Variants in RALGPS1 observed in about 807,000 individuals in gnomAD.
RALGPS1 encodes ras-specific guanine nucleotide-releasing factor RalGPS1.
In RALGPS1, 19 loss-of-function variants were observed where a neutral mutation model predicts 78.8. That is an observed-to-expected ratio of 0.24 (90% CI 0.17 to 0.35). The LOEUF (loss-of-function observed/expected upper bound fraction) is 0.35. Among genes scored for constraint, RALGPS1 ranks in the 10% least tolerant of loss-of-function variants. The pLI, the probability that RALGPS1 is intolerant of heterozygous loss-of-function variation, is 1.00. For missense variants in RALGPS1, 454 were observed against 688.3 expected (o/e 0.66, Z 3.81); for synonymous variants, 228 against 256.3 (o/e 0.89, Z 1.06).
In RALGPS1 at chr9:127,163,574, C is replaced by T. The variant is rs370279392; in HGVS notation, c.611-2495C>T. Among the ~76,000 whole-genome samples, 20 of 152,284 alleles carry T rather than the reference C, an allele frequency of 1.3e-4. No individual in the cohort carries two copies. The East Asian group carries it at 3.5e-3, about 26-fold the overall frequency. ...AATGTGCATCTATTTTAAAAGCAGACGAATGACTCATGGTATCTAGCACCA... is the reference window on the plus strand; with the variant it reads ...AATGTGCATCTATTTTAAAAGCAGATGAATGACTCATGGTATCTAGCACCA... On this transcript the variant is annotated intron_variant, in intron 8 of 18. Coordinates refer to ENST00000259351, the MANE Select transcript of RALGPS1 (RefSeq NM_014636.3).
intron 4 of RALGPS1, among the ~76,000 whole-genome samples, chr9:127,012,942 G>A (rs1200859157): frequency 6.6e-6 from 1 of 152,118 alleles, no homozygotes; most frequent in African/African-American, 2.4e-5. Context: ...AATGGGAAAG[G>A]TAAGAGATTT....
chr9:126,952,698 T>A lies in RALGPS1; in HGVS notation c.-65-9527T>A, dbSNP rs141773818. Among the ~76,000 whole-genome samples the A allele has an allele frequency of 2.6e-5, 4 of 152,076 alleles. No homozygotes were observed. In the East Asian group the frequency reaches 7.7e-4, roughly 29 times the overall value. On this transcript the variant is annotated intron_variant, in intron 1 of 18. Coordinates refer to ENST00000259351, the MANE Select transcript of RALGPS1 (RefSeq NM_014636.3). ...GTGTGTGTCTGTGTGTCTGTGTGTCTGTGCGCATGTGCATGCGTGCATGTG... is the reference window on the plus strand; with the variant it reads ...GTGTGTGTCTGTGTGTCTGTGTGTCAGTGCGCATGTGCATGCGTGCATGTG...
At chr9:127,179,938 T>G (rs2060113392) in intron 11 of RALGPS1, among the ~76,000 whole-genome samples, 1 of 152,206 alleles carries the variant, frequency 6.6e-6, no homozygotes, top group Admixed American at 6.5e-5. Context: ...GGATGGTCCC[T>G]GTTGCCCACA....
At chr9:126,979,504 C>G (rs1456869588) in intron 4 of RALGPS1, among the ~76,000 whole-genome samples, 1 of 152,180 alleles carries the variant, frequency 6.6e-6, no homozygotes, top group East Asian at 1.9e-4. Context: ...CTGCTTAGCT[C>G]TGATCTGGAG....
intron 4 of RALGPS1, among the ~76,000 whole-genome samples, chr9:126,984,900 G>A (rs903228979): frequency 6.6e-6 from 1 of 152,202 alleles, no homozygotes; most frequent in Non-Finnish European, 1.5e-5. Context: ...GTATTACTGG[G>A]TTGCCATTGC....
intron 11 of RALGPS1, among the ~76,000 whole-genome samples, chr9:127,180,389 C>T (rs2060139654): frequency 6.6e-6 from 1 of 152,182 alleles, no homozygotes; most frequent in South Asian, 2.1e-4. Flanking sequence ...CTGCGTGTCT[C>T]CCTGTTGTAT....
chr9:127,169,957 A>G (rs972407721), intron 10 of RALGPS1, among the ~76,000 whole-genome samples: 4 of 152,214 alleles, frequency 2.6e-5, no homozygotes, highest in Middle Eastern at 3.2e-3. Flanking sequence ...TGATGGGTTT[A>G]TTGGGATGTA....
intron 8 of RALGPS1, chr9:127,108,345 G>A (rs746038712): frequency 6.2e-7 from 1 of 1,612,510 alleles, no homozygotes; most frequent in Non-Finnish European, 8.5e-7. Context: ...GCGAGTTCAT[G>A]TTGCGGCTCT....
chr9:127,084,911 G>A (rs2051549259), intron 8 of RALGPS1, among the ~76,000 whole-genome samples: 1 of 152,228 alleles, frequency 6.6e-6, no homozygotes, highest in Admixed American at 6.5e-5. Context: ...ATCTAGTCAT[G>A]TGGGTTTCTC....
chr9:127,098,478 G>A (rs2053392176), intron 8 of RALGPS1, among the ~76,000 whole-genome samples: 1 of 152,200 alleles, frequency 6.6e-6, no homozygotes, highest in South Asian at 2.1e-4. Flanking sequence ...ATGCAGCCCC[G>A]TGGCTGAGCC....
chr9:127,094,493 C>T (rs1410756137), intron 8 of RALGPS1, among the ~76,000 whole-genome samples: 2 of 152,230 alleles, frequency 1.3e-5, no homozygotes, highest in Non-Finnish European at 2.9e-5. Flanking sequence ...GACAGTGCTT[C>T]GTGATGACTG....
chr9:127,119,927 C>T (rs768995210), intron 8 of RALGPS1, among the ~76,000 whole-genome samples: 45 of 152,192 alleles, frequency 3.0e-4, no homozygotes, highest in Non-Finnish European at 5.0e-4. Flanking sequence ...CTTCAGTAGC[C>T]CCAGAGGCCT....
At chr9:126,934,276 T>C (rs1055637938) in intron 1 of RALGPS1, among the ~76,000 whole-genome samples, 54 of 152,346 alleles carry the variant, frequency 3.5e-4, no homozygotes, top group Admixed American at 7.2e-4. Flanking sequence ...GGAACATCAA[T>C]GTAAATTGAA....
intron 17 of RALGPS1, 127 bp downstream of exon 17, chr9:127,213,176 G>T (rs554464027): frequency 6.0e-5 from 89 of 1,478,556 alleles, no homozygotes; most frequent in Middle Eastern, 3.8e-4. Flanking sequence ...AGATTCTGAC[G>T]TTCATGGGGT....
At chr9:127,131,066 C>A (rs1417168287) in intron 8 of RALGPS1, among the ~76,000 whole-genome samples, 1 of 152,192 alleles carries the variant, frequency 6.6e-6, no homozygotes, top group Admixed American at 6.5e-5. Context: ...ACACTATTGG[C>A]CGCTCCTTGG....
chr9:127,041,059 G>GTGTGTGTA (rs1331654917), intron 5 of RALGPS1, among the ~76,000 whole-genome samples: 30 of 151,558 alleles, frequency 2.0e-4, no homozygotes, highest in Non-Finnish European at 3.2e-4. Context: ...GTGTGTGTGT[G>GTGTGTGTA]TGTGTGTATG....
chr9:127,073,688 T>TATAGCA (rs2050418552), intron 8 of RALGPS1, among the ~76,000 whole-genome samples: 1 of 152,170 alleles, frequency 6.6e-6, no homozygotes, highest in Non-Finnish European at 1.5e-5. Flanking sequence ...TTTTCTGCAG[T>TATAGCA]GGCTGTACTA....
chr9:126,933,063 A>C (rs919526890), intron 1 of RALGPS1, among the ~76,000 whole-genome samples: 2 of 152,126 alleles, frequency 1.3e-5, no homozygotes, highest in African/African-American at 4.8e-5. Context: ...AGGGGCCTGG[A>C]ACCCAGCCGG....
chr9:126,996,246 G>A (rs1177263620), intron 4 of RALGPS1, among the ~76,000 whole-genome samples: 1 of 151,940 alleles, frequency 6.6e-6, no homozygotes, highest in Non-Finnish European at 1.5e-5. Flanking sequence ...TCCAGGAGCT[G>A]GTTTTTTTGA....
Sources: gnomAD v4.1 joint callset for allele counts (sites outside exome capture counted in the v4.1 genomes callset) on GRCh38, gnomAD v4.1.1 for gene constraint, MANE v1.5 for transcripts, NCBI Gene and HGNC (gene_info 2026-07-23, HGNC 2026-07-21) for gene names.